The following BMS1 variants were observed in gnomAD, a reference collection of about 807,000 sequenced individuals.
BMS1 encodes ribosome biogenesis protein BMS1 homolog.
A neutral mutation model predicts 138.7 loss-of-function variants in BMS1; 53 were observed. That is an observed-to-expected ratio of 0.38 (90% confidence interval 0.31 to 0.48). The LOEUF (loss-of-function observed/expected upper bound fraction) is 0.48. Among genes scored for constraint, BMS1 ranks in the 20% least tolerant of loss-of-function variants. The pLI is 0.97. For synonymous variants in BMS1, 504 were observed against 539.9 expected (o/e 0.93, Z 0.92); for missense variants, 1,360 against 1,565.5 (o/e 0.87, Z 2.22).
At chr10:42,787,398 T>A in intron 4 of BMS1, 151 bp downstream of exon 4, 1 of 697,284 alleles carries the variant, frequency 1.4e-6, no homozygotes, top group South Asian at 1.6e-5. Context: ...GAATTGATGA[T>A]AATTATGGTA....
At chr10:42,800,278 G>T (rs1261524851) in intron 12 of BMS1, among the ~76,000 whole-genome samples, 1 of 152,140 alleles carries the variant, frequency 6.6e-6, no homozygotes, top group African/African-American at 2.4e-5. Flanking sequence ...CGGCGAAACT[G>T]CTTCCCAGGT....
intron 21 of BMS1, among the ~76,000 whole-genome samples, chr10:42,824,918 G>A (rs1842595519): frequency 6.6e-6 from 1 of 152,280 alleles, no homozygotes; most frequent in South Asian, 2.1e-4. Flanking sequence ...AAATCAAGAG[G>A]TGCGATGCCT....
chr10:42,817,058 C>CA (rs1184918481), intron 14 of BMS1, among the ~76,000 whole-genome samples: 1 of 152,150 alleles, frequency 6.6e-6, no homozygotes, highest in Non-Finnish European at 1.5e-5. Flanking sequence ...GGGTGAGGGA[C>CA]ACGTCTGTTA....
chr10:42,817,257 T>C (rs1304639493), intron 14 of BMS1, 61 bp from the exon 15 acceptor site: 1 of 1,259,202 alleles, frequency 7.9e-7, no homozygotes, highest in Admixed American at 2.8e-5. Flanking sequence ...TTAAAAAAGC[T>C]AATGTTTAAA....
At position 42,792,586 on chromosome 10, in the gene BMS1, G is replaced by T; in HGVS notation, c.873G>T (p.Leu291Phe). Reference protein sequence around the residue: ...SLYGYLRGAHLKNKSQIHMPG... With the variant: ...SLYGYLRGAHFKNKSQIHMPG... ...ATGGTTATTTAAGAGGAGCACACTT[G>T]AAAAATAAAAGCCAAATTCACATGC... Residue 291 changes from leucine to phenylalanine, a missense_variant, in exon 7 of 23, where the codon TTG (leucine) becomes TTT (phenylalanine). Leu to Phe is a conservative substitution (Grantham distance 22, BLOSUM62 0). Around this residue, in one of 3 missense-constraint regions of BMS1, gnomAD observed 697 missense variants for 686.2 expected, o/e 1.02. Coordinates refer to ENST00000374518, the MANE Select transcript of BMS1 (RefSeq NM_014753.4). 6.2e-7 allele frequency: 1 copy of T among 1,609,956 alleles called. No homozygotes were observed. Among genetic ancestry groups the T allele is most frequent in the South Asian group, 1.1e-5 (1 of 90,928 alleles).
chr10:42,810,743 G>A (rs61844816), intron 13 of BMS1, among the ~76,000 whole-genome samples: 9,815 of 152,202 alleles, frequency 0.064, 458 homozygotes, highest in Non-Finnish European at 0.092. Flanking sequence ...TGATTTTCAA[G>A]GTGTTTCAAG....
intron 21 of BMS1, among the ~76,000 whole-genome samples, chr10:42,827,113 G>A (rs575631982): frequency 1.3e-5 from 2 of 152,266 alleles, no homozygotes; most frequent in African/African-American, 2.4e-5. Context: ...GTTACCAGGA[G>A]TGGATTGTTA....
chr10:42,813,622 C>T (rs1316022051), intron 13 of BMS1, among the ~76,000 whole-genome samples: 6 of 152,180 alleles, frequency 3.9e-5, no homozygotes, highest in Non-Finnish European at 7.4e-5. Context: ...TGCGGATTGT[C>T]TCGTGTATGT....
Position 42,831,055 on chromosome 10 carries a change from C to T in BMS1, c.3808C>T (p.Gln1270Ter), listed in dbSNP as rs1445908429. The T allele has an allele frequency of 6.3e-7, 1 of 1,579,736 alleles. No individual in the cohort carries two copies. ...RIQGQKERRN[Q>*]KSSLKGAEGQ... ...TCAGGGGCAGAAGGAAAGAAGAAAC[C>T]AGAAGTCCAGTTTGAAGGGGGCTGA... Residue 1270 changes from glutamine (Q) to a stop codon, truncating the protein, a stop_gained, in exon 23 of 23, where the codon CAG (glutamine) becomes TAG (stop). Transcript: ENST00000374518. LOFTEE classifies it high-confidence loss of function.
chr10:42,820,160 G>T (rs1842462277), intron 15 of BMS1, 76 bp from the exon 16 acceptor site: 1 of 1,527,346 alleles, frequency 6.5e-7, no homozygotes, highest in East Asian at 2.2e-5. Flanking sequence ...CTTAGAAATT[G>T]CTCATTTGTT....
Position 42,796,725 on chromosome 10 carries a change from G to A in BMS1, c.1481G>A (p.Ser494Asn). 2 of 1,614,228 alleles carry A rather than the reference G, an allele frequency of 1.2e-6. No individual in the cohort carries two copies. The highest frequency in any genetic ancestry group is 1.1e-5 in the South Asian group (1 of 91,088). The change falls in exon 10 of 23, where the codon AGT (serine) becomes AAT (asparagine). Residue 494 changes from serine (S) to asparagine (N), a missense_variant. Physicochemically the swap from Ser to Asn is conservative, Grantham distance 46. Around this residue, in one of 3 missense-constraint regions of BMS1, gnomAD observed 697 missense variants for 686.2 expected, o/e 1.02. Coordinates refer to ENST00000374518, the MANE Select transcript of BMS1 (RefSeq NM_014753.4). ...KRRKLELEEDSEMDLPAFADS... is the reference protein window; with the variant it reads ...KRRKLELEEDNEMDLPAFADS... ...CGGAAACTTGAGTTGGAAGAAGACAGTGAAATGGATTTGCCAGCATTTGCT... is the reference window on the plus strand; with the variant it reads ...CGGAAACTTGAGTTGGAAGAAGACAATGAAATGGATTTGCCAGCATTTGCT...
intron 13 of BMS1, 90 bp downstream of exon 13, chr10:42,802,308 T>C: frequency 9.0e-7 from 1 of 1,116,736 alleles, no homozygotes; most frequent in Non-Finnish European, 1.3e-6. Flanking sequence ...TTGAAAATAA[T>C]AGTCACTTGT....
intron 21 of BMS1, among the ~76,000 whole-genome samples, chr10:42,828,441 C>G (rs1189616530): frequency 6.6e-6 from 1 of 152,188 alleles, no homozygotes; most frequent in Non-Finnish European, 1.5e-5. Context: ...GGCACACACA[C>G]TTCTGCTGGA....
chr10:42,786,973 A>G (rs1841352424), intron 3 of BMS1, among the ~76,000 whole-genome samples, 195 bp from the exon 4 acceptor site: 1 of 152,218 alleles, frequency 6.6e-6, no homozygotes, highest in East Asian at 1.9e-4. Context: ...ATTTAAATTT[A>G]GAACACAGCA....
intron 13 of BMS1, among the ~76,000 whole-genome samples, chr10:42,815,880 C>T (rs1410727500): frequency 4.6e-5 from 7 of 152,216 alleles, no homozygotes; most frequent in Admixed American, 2.0e-4. Context: ...GTGTGTTACA[C>T]GATTGTGTTG....
intron 13 of BMS1, among the ~76,000 whole-genome samples, chr10:42,809,952 ATTTTTTTTT>A (rs34656411): frequency 2.6e-5 from 3 of 114,024 alleles, no homozygotes; most frequent in South Asian, 3.1e-4. Context: ...TGTCTGGCTA[ATTTTTTTTT>A]TTTTTTTTTT....
At position 42,832,639 on chromosome 10, in the gene BMS1, A is replaced by G. The variant is rs142626723; in HGVS notation, c.*1543A>G. The G allele has an allele frequency of 6.6e-6, 1 of 152,112 alleles. No individual in the cohort carries two copies. The highest frequency in any genetic ancestry group is 1.9e-4 in the East Asian group (1 of 5,178). 9.4% of individuals were successfully genotyped at this position (152,112 alleles called of 1,614,324 possible). A position where few individuals can be genotyped will look rare whatever the true frequency, so the allele number is the denominator to read the frequency against. ...AGTCTGAGAGGCTCTCTAAAAGCCTAAAGTCTGTAGGCAGGTGCTCAGCTT... is the reference window on the plus strand; with the variant it reads ...AGTCTGAGAGGCTCTCTAAAAGCCTGAAGTCTGTAGGCAGGTGCTCAGCTT... On this transcript the variant is annotated 3_prime_UTR_variant, in exon 23 of 23. Coordinates refer to ENST00000374518, the MANE Select transcript of BMS1 (RefSeq NM_014753.4).
At position 42,822,050 on chromosome 10, in the gene BMS1, G is replaced by C. The variant is rs1411776189; in HGVS notation, c.3010-12G>C. The C allele has an allele frequency of 1.9e-6, 3 of 1,592,228 alleles. No individual in the cohort carries two copies. The Admixed American group carries it at 5.0e-5, about 27-fold the overall frequency. On this transcript the variant is annotated splice_polypyrimidine_tract_variant and intron_variant, in intron 18 of 22. Coordinates refer to ENST00000374518, the MANE Select transcript of BMS1 (RefSeq NM_014753.4). Reference sequence around the variant, plus strand: ...TATTATTCCTATTTTCAAATTTTGGGGTTCCTGTTAGCCTGATTTTCGGAT... The same window carrying C: ...TATTATTCCTATTTTCAAATTTTGGCGTTCCTGTTAGCCTGATTTTCGGAT...
intron 4 of BMS1, 87 bp downstream of exon 4, chr10:42,787,334 C>G: frequency 1.0e-6 from 1 of 1,004,906 alleles, no homozygotes. Context: ...GGAAGAGAGT[C>G]TTATAATTAT....
Sources: gnomAD v4.1 joint callset for allele counts (sites outside exome capture counted in the v4.1 genomes callset) on GRCh38, gnomAD v4.1.1 for gene constraint, gnomAD v4.1.1 regional missense constraint, MANE v1.5 for transcripts, NCBI Gene and HGNC (gene_info 2026-07-23, HGNC 2026-07-21) for gene names.